ADAM23: variants seen among roughly 807,000 people sequenced by gnomAD.
The protein encoded by ADAM23 is ADAM metallopeptidase domain 23.
ADAM23 carries 33 observed loss-of-function variants against 120.1 expected under a neutral mutation model. The observed-to-expected ratio is 0.27, with a 90% CI of 0.21 to 0.37. The LOEUF (loss-of-function observed/expected upper bound fraction) is 0.37, where lower values mean the gene tolerates loss of function less well. Ranked by LOEUF, ADAM23 falls within the 10% of genes least tolerant of loss-of-function variation. The pLI is 1.00. For synonymous variants in ADAM23, 367 were observed against 375.2 expected, an observed-to-expected ratio of 0.98 and a Z score of 0.25; for missense variants, 862 against 1,058.2, an observed-to-expected ratio of 0.81 and a Z score of 2.57.
At position 206,445,289 on chromosome 2, in the gene ADAM23, C is replaced by A; in HGVS notation, c.215-18C>A. 6.3e-7 allele frequency: 1 copy of A among 1,594,932 alleles called. No individual in the cohort carries two copies. The highest frequency in any genetic ancestry group is 8.6e-7 in the Non-Finnish European group (1 of 1,163,990). ...TATGTTTGTATTTTCTGCTCCCCCACCCCCCTACCTCCACCAGCTCCGCAT... is the reference window on the plus strand; with the variant it reads ...TATGTTTGTATTTTCTGCTCCCCCAACCCCCTACCTCCACCAGCTCCGCAT... On this transcript the variant is annotated intron_variant, in intron 1 of 25. Coordinates refer to ENST00000264377, the MANE Select transcript of ADAM23 (RefSeq NM_003812.4).
intron 19 of ADAM23, 51 bp downstream of exon 19, chr2:206,587,426 A>T: frequency 5.2e-6 from 7 of 1,338,462 alleles, no homozygotes; most frequent in Non-Finnish European, 6.9e-6. Flanking sequence ...TTCATTGGAA[A>T]GTTTTTTTTT....
At chr2:206,494,982 A>C (rs1439568069) in intron 3 of ADAM23, among the ~76,000 whole-genome samples, 1 of 152,240 alleles carries the variant, frequency 6.6e-6, no homozygotes, top group Non-Finnish European at 1.5e-5. Flanking sequence ...AAAGCCTCCA[A>C]GAAATATGGG....
intron 6 of ADAM23, among the ~76,000 whole-genome samples, chr2:206,543,750 TACACACACAC>T (rs35626987): frequency 1.3e-5 from 2 of 149,908 alleles, no homozygotes; most frequent in Non-Finnish European, 3.0e-5. Context: ...TAAAATGTGA[TACACACACAC>T]ACACACACAC....
At chr2:206,474,090 A>G (rs1695724607) in intron 2 of ADAM23, among the ~76,000 whole-genome samples, 1 of 152,066 alleles carries the variant, frequency 6.6e-6, no homozygotes, top group Admixed American at 6.6e-5. Context: ...TATCTTACAT[A>G]AGGTAGGTAT....
intron 2 of ADAM23, among the ~76,000 whole-genome samples, chr2:206,462,376 A>C (rs1695442082): frequency 6.6e-6 from 1 of 152,194 alleles, no homozygotes; most frequent in East Asian, 1.9e-4. Flanking sequence ...CACAACGTTA[A>C]ATAATTTATC....
At chr2:206,595,996 CTAT>C (rs1698517108) in intron 23 of ADAM23, 52 bp from the exon 24 acceptor site, 2 of 1,384,502 alleles carry the variant, frequency 1.4e-6, no homozygotes, top group South Asian at 2.4e-5. Context: ...ACATTTATCA[CTAT>C]TATTCTACAA....
intron 14 of ADAM23, 138 bp from the exon 15 acceptor site, chr2:206,567,085 A>T: frequency 1.5e-6 from 1 of 657,556 alleles, no homozygotes; most frequent in Non-Finnish European, 2.6e-6. Flanking sequence ...CAATTTGAAC[A>T]TAAGTCCCTT....
intron 3 of ADAM23, among the ~76,000 whole-genome samples, chr2:206,527,824 G>T (rs1011315284): frequency 1.3e-5 from 2 of 152,188 alleles, no homozygotes; most frequent in Admixed American, 6.5e-5. Flanking sequence ...GCTATTTACA[G>T]GAAGTAGAAG....
In ADAM23 at chr2:206,443,584, G is replaced by A. The variant is rs1354705811; in HGVS notation, c.-283G>A. 3.4e-5 allele frequency: 5 copies of A among 145,846 alleles called. No homozygotes were observed. Among genetic ancestry groups the A allele is most frequent in the East Asian group, 2.0e-4 (1 of 5,050 alleles). 9.0% of individuals were successfully genotyped at this position (145,846 alleles called of 1,614,324 possible). On this transcript the variant is annotated 5_prime_UTR_variant, in exon 1 of 26. Transcript: ENST00000264377. The stretch of plus-strand genomic sequence containing the variant: ...AGTCGCTGAAGCGGCCGCGCCCGCC[G>A]GGGGAGGGAGTAGCCGCTGGGGAGG...
intron 2 of ADAM23, among the ~76,000 whole-genome samples, chr2:206,479,053 C>T (rs2105876169): frequency 6.6e-6 from 1 of 152,246 alleles, no homozygotes; most frequent in South Asian, 2.1e-4. Context: ...ATATGCAAAG[C>T]AGGACTTAAT....
chr2:206,444,353 C>T (rs878917354), intron 1 of ADAM23, among the ~76,000 whole-genome samples: 1 of 152,216 alleles, frequency 6.6e-6, no homozygotes, highest in East Asian at 1.9e-4. Context: ...TCAGCGATCT[C>T]TGTGCAACTT....
intron 2 of ADAM23, among the ~76,000 whole-genome samples, chr2:206,471,317 T>C (rs1695654432): frequency 6.6e-6 from 1 of 152,236 alleles, no homozygotes; most frequent in African/African-American, 2.4e-5. Context: ...TAACGAATCC[T>C]TGTGTAGTCA....
At chr2:206,526,024 C>A (rs1354811833) in intron 3 of ADAM23, among the ~76,000 whole-genome samples, 2 of 152,070 alleles carry the variant, frequency 1.3e-5, no homozygotes, top group East Asian at 3.8e-4. Context: ...CTTGGCTTCT[C>A]CATATGGAAC....
chr2:206,445,553 A>C, intron 2 of ADAM23, 29 bp downstream of exon 2: 1 of 1,565,050 alleles, frequency 6.4e-7, no homozygotes, highest in Non-Finnish European at 8.7e-7. Flanking sequence ...ATGCAAAAGT[A>C]ACTATCATGA....
At chr2:206,583,401 C>G (rs1244638708) in intron 18 of ADAM23, among the ~76,000 whole-genome samples, 1 of 151,772 alleles carries the variant, frequency 6.6e-6, no homozygotes, top group Non-Finnish European at 1.5e-5. Context: ...TTGCAGTGAG[C>G]CGAGATAGTG....
At chr2:206,509,354 T>A (rs1040272746) in intron 3 of ADAM23, among the ~76,000 whole-genome samples, 3 of 152,212 alleles carry the variant, frequency 2.0e-5, no homozygotes, top group Non-Finnish European at 4.4e-5. Context: ...GAGATTATTC[T>A]ATAATGATAT....
intron 24 of ADAM23, among the ~76,000 whole-genome samples, chr2:206,602,060 G>A (rs1698649006): frequency 6.6e-6 from 1 of 151,952 alleles, no homozygotes; most frequent in African/African-American, 2.4e-5. Context: ...GACTGTCTTC[G>A]TCAGTGCACA....
At chr2:206,582,498 C>G (rs1698239137) in intron 18 of ADAM23, among the ~76,000 whole-genome samples, 1 of 151,176 alleles carries the variant, frequency 6.6e-6, no homozygotes, top group Non-Finnish European at 1.5e-5. Flanking sequence ...TTCTGTGCTT[C>G]TGTATCTTTT....
chr2:206,595,914 AGACCATGG>A, intron 23 of ADAM23, 129 bp from the exon 24 acceptor site: 2 of 627,886 alleles, frequency 3.2e-6, no homozygotes, highest in Non-Finnish European at 5.5e-6. Context: ...CTAGTGATCA[AGACCATGG>A]GAAACTTTAA....
Sources: gnomAD v4.1 joint callset for allele counts (sites outside exome capture counted in the v4.1 genomes callset) on GRCh38, gnomAD v4.1.1 for gene constraint, MANE v1.5 for transcripts, NCBI Gene and HGNC (gene_info 2026-07-23, HGNC 2026-07-21) for gene names.